HOTAIR: variants seen among roughly 807,000 people sequenced by gnomAD.
HOTAIR encodes the protein HOX transcript antisense RNA, also known as HOX transcript antisense RNA (non-protein coding).
At chr12:53,966,900 C>A (rs2136371755) in intron 3 of HOTAIR, among the ~76,000 whole-genome samples, 1 of 152,280 alleles carries the variant, frequency 6.6e-6, no homozygotes, top group East Asian at 1.9e-4. Context: ...AGGCTCAGCT[C>A]GAAGGCTCAG....
chr12:53,974,375 G>T (rs1169498481), intron 1 of HOTAIR, among the ~76,000 whole-genome samples: 2 of 151,996 alleles, frequency 1.3e-5, no homozygotes, highest in African/African-American at 2.4e-5. Flanking sequence ...GATCCAGAGA[G>T]GGGGAGAGGT....
Position 53,973,788 on chromosome 12 carries a change from G to A in HOTAIR, n.59+1110C>T. ...GGGCGAGGCCAAGGGGGAGCCCGAG[G>A]CACCCCCGGCCTCGGGACTGGCGTC... On this transcript the variant is annotated intron_variant and non_coding_transcript_variant, in intron 1 of 6. Coordinates refer to ENST00000424518, the Ensembl canonical transcript of HOTAIR. This position sits in a 1 kb window ranked among gnomAD's most constrained non-coding sequence, Gnocchi z 4.3. 1 of 1,601,576 alleles carries A rather than the reference G, an allele frequency of 6.2e-7. No homozygotes were observed. Among genetic ancestry groups the A allele is most frequent in the Non-Finnish European group, 8.5e-7 (1 of 1,174,580 alleles).
rs1221006527 is a variant in HOTAIR, at chr12:53,973,388, C to T, written n.59+1510G>A. 2.5e-6 allele frequency: 4 copies of T among 1,614,108 alleles called. No homozygotes were observed. The highest frequency in any genetic ancestry group is 3.4e-6 in the Non-Finnish European group (4 of 1,180,056). ...TGCCCGAGTTCTCCACGGTCTCCTC[C>T]TTCCTGCCCCAGGCCCCCTCTCGTC... On this transcript the variant is annotated intron_variant and non_coding_transcript_variant, in intron 1 of 6. Transcript: ENST00000424518. This position sits in a 1 kb window ranked among gnomAD's most constrained non-coding sequence, Gnocchi z 4.3.
In HOTAIR at chr12:53,973,043, C is replaced by G. The variant is rs1939174501; in HGVS notation, n.59+1855G>C. On this transcript the variant is annotated intron_variant and non_coding_transcript_variant, in intron 1 of 6. Transcript: ENST00000424518. This position sits in a 1 kb window ranked among gnomAD's most constrained non-coding sequence, Gnocchi z 4.3. The stretch of plus-strand genomic sequence containing the variant: ...GTTTGCAAACCAATCGCCTGAACGT[C>G]CCCGATCTTACCTAAGAGAGAACCC... 1 of 494,614 alleles carries G rather than the reference C, an allele frequency of 2.0e-6. No individual in the cohort carries two copies. The highest frequency in any genetic ancestry group is 3.5e-6 in the Non-Finnish European group (1 of 282,598). The allele number at this position is 494,614 out of a possible 1,614,324, so 30.6% of individuals were successfully genotyped here.
chr12:53,973,747 C>G lies in HOTAIR; in HGVS notation n.59+1151G>C, dbSNP rs772454678. 6.2e-7 allele frequency: 1 copy of G among 1,612,682 alleles called. No individual in the cohort carries two copies. Among genetic ancestry groups the G allele is most frequent in the Non-Finnish European group, 8.5e-7 (1 of 1,179,748 alleles). Reference sequence around the variant, plus strand: ...GGTGGCGGCGACCCGCCCGCCGAGCCCCCCTGCTCCGGCAAGGGCGAGGCC... The same window carrying G: ...GGTGGCGGCGACCCGCCCGCCGAGCGCCCCTGCTCCGGCAAGGGCGAGGCC... On this transcript the variant is annotated intron_variant and non_coding_transcript_variant, in intron 1 of 6. Transcript: ENST00000424518. This position sits in a 1 kb window ranked among gnomAD's most constrained non-coding sequence, Gnocchi z 4.3.
intron 5 of HOTAIR, chr12:53,964,356 A>G (rs1939011921): frequency 6.6e-6 from 1 of 152,222 alleles, no homozygotes. Flanking sequence ...TATTAAGAGC[A>G]GAAGATGATC....
intron 5 of HOTAIR, among the ~76,000 whole-genome samples, chr12:53,964,590 C>A (rs535118075): frequency 6.6e-6 from 1 of 152,338 alleles, no homozygotes; most frequent in East Asian, 1.9e-4. Context: ...CTGACCCTGA[C>A]TACACAGTGG....
In HOTAIR at chr12:53,973,240, C is replaced by T. The variant is rs1323729804; in HGVS notation, n.59+1658G>A. ...ATCCGGAGCCGGCAGGAGAGGAGAA[C>T]GATGTTTAACTCGGTCAACCTGGGC... On this transcript the variant is annotated intron_variant and non_coding_transcript_variant, in intron 1 of 6. Coordinates refer to ENST00000424518, the Ensembl canonical transcript of HOTAIR. The surrounding 1 kb of genome is among the most constrained non-coding windows in gnomAD (Gnocchi z 4.3). 3 of 1,575,372 alleles carry T rather than the reference C, an allele frequency of 1.9e-6. No individual in the cohort carries two copies. The highest frequency in any genetic ancestry group is 1.8e-5 in the Admixed American group (1 of 56,612).
chr12:53,969,460 CT>C (rs1190237028), intron 1 of HOTAIR, among the ~76,000 whole-genome samples: 1 of 152,194 alleles, frequency 6.6e-6, no homozygotes, highest in African/African-American at 2.4e-5. Context: ...GACTTGGGGA[CT>C]CAGGCTTGGG....
rs1024935682 is a variant in HOTAIR at position 53,973,939 on chromosome 12, CG to C, written n.59+958del. On this transcript the variant is annotated intron_variant and non_coding_transcript_variant, in intron 1 of 6. Coordinates refer to ENST00000424518, the Ensembl canonical transcript of HOTAIR. This position sits in a 1 kb window ranked among gnomAD's most constrained non-coding sequence, Gnocchi z 4.3. Reference sequence around the variant, plus strand: ...GCCGCCCCCAGTAGGTAGCAGCGGCCGGGGAACGGGCGGGCAGCGAGGGAGG... The same window carrying C: ...GCCGCCCCCAGTAGGTAGCAGCGGCCGGGAACGGGCGGGCAGCGAGGGAGG... 12 of 1,425,848 alleles carry C rather than the reference CG, an allele frequency of 8.4e-6. No individual in the cohort carries two copies. Among genetic ancestry groups the C allele is most frequent in the Middle Eastern group, 2.2e-4 (1 of 4,450 alleles). 88.3% of individuals were successfully genotyped at this position (1,425,848 alleles called of 1,614,324 possible).
At chr12:53,966,320 C>A in exon 4 of HOTAIR, 1 of 152,450 alleles carries the variant, frequency 6.6e-6, no homozygotes, top group Non-Finnish European at 1.5e-5. Flanking sequence ...CTCCACTCCC[C>A]ACTCCCCTAC....
At chr12:53,972,525 C>A (rs1163624596) in intron 1 of HOTAIR, among the ~76,000 whole-genome samples, 1 of 152,228 alleles carries the variant, frequency 6.6e-6, no homozygotes, top group Non-Finnish European at 1.5e-5. Context: ...TGCAGCTGGG[C>A]TGCCTCACCT....
intron 5 of HOTAIR, chr12:53,965,873 G>A (rs1038272068): frequency 4.6e-5 from 7 of 152,276 alleles, no homozygotes; most frequent in African/African-American, 7.2e-5. Flanking sequence ...AGAAGCAAGG[G>A]TCGGCTGTTG....
At chr12:53,966,306 C>G (rs1939054970) in exon 4 of HOTAIR, 1 of 152,258 alleles carries the variant, frequency 6.6e-6, no homozygotes, top group Non-Finnish European at 1.5e-5. Context: ...TCTGGGCTCC[C>G]TCTCTCCACT....
At position 53,970,046 on chromosome 12, in the gene HOTAIR, C is replaced by T. The variant is rs147786497; in HGVS notation, n.60-1290G>A. On this transcript the variant is annotated intron_variant and non_coding_transcript_variant, in intron 1 of 6. Coordinates refer to ENST00000424518, the Ensembl canonical transcript of HOTAIR. Reference sequence around the variant, plus strand: ...GTGTTGGAGGGAAGGGTGCTGGAGTCTGCCTTAACTTTGGTCCAGCTACCT... The same window carrying T: ...GTGTTGGAGGGAAGGGTGCTGGAGTTTGCCTTAACTTTGGTCCAGCTACCT... 3.8e-3 allele frequency among the ~76,000 whole-genome samples: 583 copies of T among 152,362 alleles called. 4 individuals are homozygous for T. Among genetic ancestry groups the T allele is most frequent in the African/African-American group, 0.013 (555 of 41,576 alleles).
rs867894513 is a variant in HOTAIR at position 53,973,241 on chromosome 12, G to A, written n.59+1657C>T. The A allele has an allele frequency of 1.3e-6, 2 of 1,576,944 alleles. No individual in the cohort carries two copies. Among genetic ancestry groups the A allele is most frequent in the Non-Finnish European group, 1.7e-6 (2 of 1,163,862 alleles). ...TCCGGAGCCGGCAGGAGAGGAGAAC[G>A]ATGTTTAACTCGGTCAACCTGGGCA... On this transcript the variant is annotated intron_variant and non_coding_transcript_variant, in intron 1 of 6. Transcript: ENST00000424518. The surrounding 1 kb of genome is among the most constrained non-coding windows in gnomAD (Gnocchi z 4.3).
At chr12:53,974,879 C>T (rs573459812) in intron 1 of HOTAIR, 3 of 309,330 alleles carry the variant, frequency 9.7e-6, no homozygotes, top group Admixed American at 4.8e-5. Flanking sequence ...ACAGGGGGCC[C>T]GAGGGGACGC....
intron 2 of HOTAIR, chr12:53,968,574 A>C (rs1353043318): frequency 6.6e-6 from 1 of 152,346 alleles, no homozygotes; most frequent in Admixed American, 6.5e-5. Context: ...AGCAGAAGGC[A>C]CTTTCCTTGC....
chr12:53,963,063 C>T (rs891370538), exon 7 of HOTAIR: 8 of 152,202 alleles, frequency 5.3e-5, no homozygotes, highest in African/African-American at 1.7e-4. Flanking sequence ...GGGTGCTGAA[C>T]CTTCAAGAGC....
Sources: allele counts gnomAD v4.1 joint callset (sites outside exome capture counted in the v4.1 genomes callset), GRCh38; gene constraint gnomAD v4.1.1; non-coding constraint Gnocchi (gnomAD v3.1); transcripts MANE v1.5; gene names NCBI Gene and HGNC (gene_info 2026-07-23, HGNC 2026-07-21).